Variants in HMCN1 observed in about 807,000 individuals in gnomAD.
The protein encoded by HMCN1 is hemicentin-1.
A neutral mutation model predicts 625.9 loss-of-function variants in HMCN1; 321 were observed. That is an observed-to-expected ratio of 0.51 (90% CI 0.47 to 0.56). HMCN1 has a LOEUF of 0.56. HMCN1 is among the 20% of genes least tolerant of loss of function. HMCN1 has a pLI of 0.00. For synonymous variants in HMCN1, 2,425 were observed against 2,417.6 expected, an observed-to-expected ratio of 1.00 and a Z score of -0.09; for missense variants, 6,588 against 6,887.3, an observed-to-expected ratio of 0.96 and a Z score of 1.54.
At chr1:186,084,211 A>C (rs1474600394) in intron 57 of HMCN1, among the ~76,000 whole-genome samples, 1 of 152,100 alleles carries the variant, frequency 6.6e-6, no homozygotes, top group Non-Finnish European at 1.5e-5. Flanking sequence ...GCCATATCTT[A>C]CTTATCTTGG....
chr1:185,882,002 A>G (rs1175291817), intron 4 of HMCN1, among the ~76,000 whole-genome samples: 7 of 152,144 alleles, frequency 4.6e-5, no homozygotes, highest in African/African-American at 1.7e-4. Context: ...TTCATAAGAT[A>G]TTTTTTTCTT....
At chr1:185,927,641 T>TGA (rs1667344841) in intron 9 of HMCN1, among the ~76,000 whole-genome samples, 2 of 152,202 alleles carry the variant, frequency 1.3e-5, no homozygotes, top group Non-Finnish European at 2.9e-5. Context: ...TCTAGAGATA[T>TGA]CACCATAAGG....
intron 11 of HMCN1, among the ~76,000 whole-genome samples, chr1:185,955,330 C>A (rs1233682370): frequency 1.3e-5 from 2 of 152,098 alleles, no homozygotes; most frequent in Non-Finnish European, 2.9e-5. Context: ...CTACACAATT[C>A]TTTTAACATT....
intron 1 of HMCN1, among the ~76,000 whole-genome samples, chr1:185,771,673 A>C (rs563160886): frequency 1.3e-5 from 2 of 152,272 alleles, no homozygotes; most frequent in African/African-American, 4.8e-5. Context: ...TTGGATTTGT[A>C]CCAAATTATT....
In HMCN1 at chr1:186,145,751, A is replaced by G. The variant is rs747343448; in HGVS notation, c.14438-2A>G. The stretch of plus-strand genomic sequence containing the variant: ...CAGTGACCATTCCATTCTTGTTCAC[A>G]GTGGATGGAAGTTGGGGAAGCTGGC... On this transcript the variant is annotated splice_acceptor_variant, in intron 92 of 106. Coordinates refer to ENST00000271588, the MANE Select transcript of HMCN1 (RefSeq NM_031935.3). LOFTEE classifies it high-confidence loss of function. 1.4e-5 allele frequency: 22 copies of G among 1,614,014 alleles called. No individual in the cohort carries two copies. Among genetic ancestry groups the G allele is most frequent in the Middle Eastern group, 1.6e-4 (1 of 6,082 alleles).
At chr1:185,911,592 TA>T in intron 5 of HMCN1, 81 bp from the exon 6 acceptor site, 1 of 1,001,654 alleles carries the variant, frequency 1.0e-6, no homozygotes, top group South Asian at 1.3e-5. Context: ...ATCATGCTCT[TA>T]GTTTTATGTA....
Position 186,117,623 on chromosome 1 carries a change from G to A in HMCN1, c.11848G>A (p.Gly3950Arg), listed in dbSNP as rs757885157. The A allele has an allele frequency of 1.9e-6, 3 of 1,613,216 alleles. No homozygotes were observed. The highest frequency in any genetic ancestry group is 1.3e-5 in the African/African-American group (1 of 74,986). Reference protein sequence around the residue: ...RGDGYRILSSGAIEILATQLN... With the variant: ...RGDGYRILSSRAIEILATQLN... Reference sequence around the variant, plus strand: ...AGATGGCTATAGAATTCTGTCCTCAGGTAAGACCAAGCTCAGTGATTTCAC... The same window carrying A: ...AGATGGCTATAGAATTCTGTCCTCAAGTAAGACCAAGCTCAGTGATTTCAC... Residue 3950 changes from glycine to arginine, a missense_variant and splice_region_variant, in exon 77 of 107, where the codon GGA (glycine) becomes AGA (arginine). This residue lies in a region of HMCN1 where 4,628 missense variants were observed against 4,853.1 expected (regional missense o/e 0.95). Transcript: ENST00000271588.
chr1:186,039,188 C>T (rs765837089), intron 38 of HMCN1, among the ~76,000 whole-genome samples, 183 bp downstream of exon 38: 98 of 152,148 alleles, frequency 6.4e-4, no homozygotes, highest in Non-Finnish European at 1.1e-3. Context: ...TGCTCAATTT[C>T]CACATGCTGT....
intron 1 of HMCN1, among the ~76,000 whole-genome samples, chr1:185,763,704 G>A (rs757956090): frequency 2.0e-5 from 3 of 152,042 alleles, no homozygotes; most frequent in Admixed American, 1.3e-4. Flanking sequence ...TTTAACAGTC[G>A]CAATTTTGGC....
At chr1:186,008,343 A>G (rs1653773711) in intron 30 of HMCN1, among the ~76,000 whole-genome samples, 1 of 152,168 alleles carries the variant, frequency 6.6e-6, no homozygotes, top group South Asian at 2.1e-4. Flanking sequence ...TATATAAACT[A>G]CACACCAGAT....
intron 1 of HMCN1, among the ~76,000 whole-genome samples, chr1:185,834,678 T>G (rs776558811): frequency 1.3e-4 from 20 of 152,172 alleles, no homozygotes; most frequent in Non-Finnish European, 2.5e-4. Context: ...ACGTCCAGCC[T>G]ATAGCCAAGA....
intron 75 of HMCN1, among the ~76,000 whole-genome samples, chr1:186,116,662 G>A (rs1161489326): frequency 6.6e-6 from 1 of 152,096 alleles, no homozygotes; most frequent in Non-Finnish European, 1.5e-5. Context: ...AACAGTGGCT[G>A]TTATCAGTGT....
intron 25 of HMCN1, 135 bp downstream of exon 25, chr1:185,997,659 C>A: frequency 1.4e-6 from 1 of 697,648 alleles, no homozygotes; most frequent in Non-Finnish European, 2.6e-6. Context: ...TAGAAACTAA[C>A]CCATTTTTCA....
intron 52 of HMCN1, 90 bp downstream of exon 52, chr1:186,070,847 CAG>C: frequency 2.3e-6 from 3 of 1,301,248 alleles, no homozygotes. Context: ...ACAAGTGACT[CAG>C]AGAATCAATG....
rs1475568564 is a variant in HMCN1, at chr1:186,103,636, G to A, written c.10738G>A (p.Gly3580Arg). The change falls in exon 69 of 107, where the codon GGA (glycine) becomes AGA (arginine). Residue 3580 changes from glycine (G) to arginine (R), a missense_variant. Physicochemically the swap from Gly to Arg is moderately radical, Grantham distance 125. Around this residue, in one of 3 missense-constraint regions of HMCN1, gnomAD observed 4,628 missense variants for 4,853.1 expected, o/e 0.95. Coordinates refer to ENST00000271588, the MANE Select transcript of HMCN1 (RefSeq NM_031935.3). The part of the protein sequence containing the change: ...PQTDQVQTLG[G>R]GEVLRISTAQ... ...GACGGATCAAGTGCAAACTCTAGGAGGAGGAGAGGTTCTTCGAATTTCTAC... is the reference window on the plus strand; with the variant it reads ...GACGGATCAAGTGCAAACTCTAGGAAGAGGAGAGGTTCTTCGAATTTCTAC... The A allele has an allele frequency of 6.2e-7, 1 of 1,613,794 alleles. No individual in the cohort carries two copies. The highest frequency in any genetic ancestry group is 1.7e-5 in the Admixed American group (1 of 59,978).
At chr1:185,944,576 C>CCA (rs1385616304) in intron 11 of HMCN1, among the ~76,000 whole-genome samples, 1 of 152,202 alleles carries the variant, frequency 6.6e-6, no homozygotes, top group East Asian at 1.9e-4. Flanking sequence ...TCTTACTCCT[C>CCA]CTTTCTCTAG....
At position 185,847,281 on chromosome 1, in the gene HMCN1, A is replaced by G. The variant is rs114910889; in HGVS notation, c.339+1185A>G. On this transcript the variant is annotated intron_variant, in intron 2 of 106. Coordinates refer to ENST00000271588, the MANE Select transcript of HMCN1 (RefSeq NM_031935.3). ...CCAAATGTGGTTGAAATTTCACAAC[A>G]TGACACTTTGAGTCTCTGGTGAATT... is the stretch of plus-strand genomic sequence containing the variant. 3.6e-3 allele frequency among the ~76,000 whole-genome samples: 545 copies of G among 152,272 alleles called. 1 individual carries two copies. Among genetic ancestry groups the G allele is most frequent in the Middle Eastern group, 0.027 (8 of 294 alleles).
intron 24 of HMCN1, among the ~76,000 whole-genome samples, chr1:185,995,425 G>A (rs1033195244): frequency 6.6e-6 from 1 of 151,972 alleles, no homozygotes; most frequent in Non-Finnish European, 1.5e-5. Context: ...ACAGTGCTGG[G>A]GTGCACTCAA....
At chr1:185,780,437 G>A (rs144975717) in intron 1 of HMCN1, among the ~76,000 whole-genome samples, 4,742 of 152,194 alleles carry the variant, frequency 0.031, 221 homozygotes, top group African/African-American at 0.1. Flanking sequence ...GTTTTCAAAG[G>A]GAATGCTTCC....
Sources: gnomAD v4.1 joint callset for allele counts (sites outside exome capture counted in the v4.1 genomes callset) on GRCh38, gnomAD v4.1.1 for gene constraint, gnomAD v4.1.1 regional missense constraint, MANE v1.5 for transcripts, NCBI Gene and HGNC (gene_info 2026-07-23, HGNC 2026-07-21) for gene names.